The following MIPEP variants were observed in gnomAD, a reference collection of about 807,000 sequenced individuals.
MIPEP encodes mitochondrial intermediate peptidase.
A neutral mutation model predicts 90.3 loss-of-function variants in MIPEP; 79 were observed. The ratio of observed to expected loss-of-function variants is 0.87; its 90% CI spans 0.73 to 1.05. The LOEUF (loss-of-function observed/expected upper bound fraction) is 1.05. Among genes scored for constraint, MIPEP ranks in the 50% least tolerant of loss-of-function variants. The pLI is 0.00. For synonymous variants in MIPEP, 334 were observed against 315.8 expected (o/e 1.06, Z -0.61); for missense variants, 940 against 905.6 (o/e 1.04, Z -0.49).
At chr13:23,797,358 T>C (rs1420518798) in intron 16 of MIPEP, among the ~76,000 whole-genome samples, 1 of 152,178 alleles carries the variant, frequency 6.6e-6, no homozygotes, top group African/African-American at 2.4e-5. Context: ...CATCTCCACT[T>C]GGATATTCTA....
At chr13:23,854,153 G>A (rs190580907) in intron 10 of MIPEP, among the ~76,000 whole-genome samples, 546 of 148,032 alleles carry the variant, frequency 3.7e-3, no homozygotes, top group Admixed American at 7.4e-3. Flanking sequence ...GTGAAACCTC[G>A]TCTCTACTAA....
At chr13:23,734,667 C>A (rs1432001288) in intron 18 of MIPEP, among the ~76,000 whole-genome samples, 1 of 152,100 alleles carries the variant, frequency 6.6e-6, no homozygotes, top group Non-Finnish European at 1.5e-5. Context: ...CACATGGACA[C>A]GTCAGTCTTC....
chr13:23,743,938 A>G (rs976928307), intron 18 of MIPEP, among the ~76,000 whole-genome samples: 48 of 152,368 alleles, frequency 3.2e-4, no homozygotes, highest in African/African-American at 1.1e-3. Flanking sequence ...TGAACAAGCC[A>G]AAGATTAGGG....
intron 1 of MIPEP, among the ~76,000 whole-genome samples, chr13:23,887,207 C>A (rs1871532078): frequency 6.6e-6 from 1 of 152,136 alleles, no homozygotes; most frequent in Non-Finnish European, 1.5e-5. Context: ...ATTTCAATAT[C>A]TTGATAAAAA....
At chr13:23,879,990 T>C (rs1871212648) in intron 3 of MIPEP, among the ~76,000 whole-genome samples, 1 of 152,074 alleles carries the variant, frequency 6.6e-6, no homozygotes, top group African/African-American at 2.4e-5. Context: ...TCCTCTTCCC[T>C]AAATGCAAAT....
At chr13:23,748,362 C>T (rs557732075) in intron 18 of MIPEP, among the ~76,000 whole-genome samples, 1 of 152,278 alleles carries the variant, frequency 6.6e-6, no homozygotes, top group South Asian at 2.1e-4. Context: ...CAGTCAGTTG[C>T]CCTCCTATCA....
chr13:23,806,705 C>CA (rs1003938632), intron 15 of MIPEP, among the ~76,000 whole-genome samples: 1 of 141,730 alleles, frequency 7.1e-6, no homozygotes, highest in South Asian at 2.3e-4. Flanking sequence ...ACAACAACAA[C>CA]AAAAAAATCT....
At chr13:23,839,609 G>C in intron 12 of MIPEP, 40 bp downstream of exon 12, 3 of 1,331,386 alleles carry the variant, frequency 2.3e-6, no homozygotes, top group East Asian at 2.5e-5. Flanking sequence ...ATGAAATGCC[G>C]ATCGGTTCTA....
chr13:23,733,738 C>T (rs907350808), intron 18 of MIPEP, among the ~76,000 whole-genome samples: 2 of 152,166 alleles, frequency 1.3e-5, no homozygotes, highest in African/African-American at 4.8e-5. Flanking sequence ...AATATTGTTA[C>T]AGTTTCAACT....
At chr13:23,869,469 G>C (rs1396363192) in intron 6 of MIPEP, 21 bp from the exon 7 acceptor site, 4 of 1,586,576 alleles carry the variant, frequency 2.5e-6, no homozygotes, top group Non-Finnish European at 3.4e-6. Flanking sequence ...AAAGTAAATG[G>C]TGAAGGCTAT....
chr13:23,733,177 T>A (rs1318352675), intron 18 of MIPEP, among the ~76,000 whole-genome samples: 2 of 152,230 alleles, frequency 1.3e-5, no homozygotes, highest in African/African-American at 2.4e-5. Context: ...GCTAATAGCA[T>A]ACAAAGTGCA....
In MIPEP at chr13:23,859,729, C is replaced by G. The variant is rs144649304; in HGVS notation, c.1054-817G>C. Reference sequence around the variant, plus strand: ...AATCAACAGTACCTCCCAAAGAAGACTGCTGAATGTACTTAAACTATTAAG... The same window carrying G: ...AATCAACAGTACCTCCCAAAGAAGAGTGCTGAATGTACTTAAACTATTAAG... On this transcript the variant is annotated intron_variant, in intron 9 of 18. Transcript: ENST00000382172. 6.3e-4 allele frequency among the ~76,000 whole-genome samples: 96 copies of G among 152,346 alleles called. 1 individual carries two copies. In the East Asian group the frequency reaches 0.017, roughly 27 times the overall value.
At chr13:23,821,817 G>A (rs1318762006) in intron 14 of MIPEP, among the ~76,000 whole-genome samples, 1 of 152,160 alleles carries the variant, frequency 6.6e-6, no homozygotes, top group East Asian at 1.9e-4. Context: ...AAGTAGCTAT[G>A]TAAATAGTTG....
chr13:23,732,340 A>C (rs1952215234), intron 18 of MIPEP, among the ~76,000 whole-genome samples: 1 of 152,202 alleles, frequency 6.6e-6, no homozygotes, highest in African/African-American at 2.4e-5. Context: ...TTGTGGTGAA[A>C]GGATAAAATG....
At chr13:23,842,343 T>C (rs901231646) in intron 10 of MIPEP, 4 of 152,216 alleles carry the variant, frequency 2.6e-5, no homozygotes, top group Non-Finnish European at 5.9e-5. Flanking sequence ...CAAATTTATA[T>C]ATAAAAATAT....
At chr13:23,850,622 G>C (rs947956090) in intron 10 of MIPEP, among the ~76,000 whole-genome samples, 1 of 152,186 alleles carries the variant, frequency 6.6e-6, no homozygotes, top group African/African-American at 2.4e-5. Flanking sequence ...TAGGGATTAG[G>C]AAAGTAAACC....
intron 15 of MIPEP, 24 bp downstream of exon 15, chr13:23,809,825 CT>C (rs1224492548): frequency 6.6e-7 from 1 of 1,522,502 alleles, no homozygotes; most frequent in Admixed American, 1.8e-5. Context: ...CTCCGGAAAA[CT>C]TCAGAACAAA....
chr13:23,758,163 G>T (rs548782802), intron 17 of MIPEP, among the ~76,000 whole-genome samples: 48 of 152,276 alleles, frequency 3.2e-4, no homozygotes, highest in African/African-American at 1.1e-3. Context: ...GGCCCTGCCT[G>T]ACTCCCGACC....
At chr13:23,783,037 G>A (rs1186242696) in intron 16 of MIPEP, among the ~76,000 whole-genome samples, 4 of 152,156 alleles carry the variant, frequency 2.6e-5, no homozygotes, top group South Asian at 2.1e-4. Flanking sequence ...ACAAGGAGGA[G>A]CTGGTACCAT....
Sources: gnomAD v4.1 joint callset for allele counts (sites outside exome capture counted in the v4.1 genomes callset) on GRCh38, gnomAD v4.1.1 for gene constraint, MANE v1.5 for transcripts, NCBI Gene and HGNC (gene_info 2026-07-23, HGNC 2026-07-21) for gene names.